Variants in ARHGEF33 observed in about 807,000 individuals in gnomAD.
The protein encoded by ARHGEF33 is Rho guanine nucleotide exchange factor 33, also known as DH and coiled-coil domain-containing protein ENSP00000381780.
A neutral mutation model predicts 101.9 loss-of-function variants in ARHGEF33; 72 were observed. That is an observed-to-expected ratio of 0.71 (90% CI 0.58 to 0.86). The LOEUF is 0.86. ARHGEF33 is among the 40% of genes least tolerant of loss of function. The pLI, the probability that ARHGEF33 is intolerant of heterozygous loss-of-function variation, is 0.00. For missense variants in ARHGEF33, 1,169 were observed against 1,111.3 expected (o/e 1.05, Z -0.74); for synonymous variants, 499 against 442.5 (o/e 1.13, Z -1.60).
At chr2:38,973,131 G>A (rs1023836576) in intron 17 of ARHGEF33, 1 of 152,366 alleles carries the variant, frequency 6.6e-6, no homozygotes, top group African/African-American at 2.4e-5. Context: ...GATCTGAGTT[G>A]TTGACTATTG....
intron 2 of ARHGEF33, among the ~76,000 whole-genome samples, chr2:38,910,568 T>G (rs1300836263): frequency 6.6e-6 from 1 of 152,154 alleles, no homozygotes; most frequent in Non-Finnish European, 1.5e-5. Context: ...AGACTCCATC[T>G]CTACAAAAAA....
chr2:38,936,502 A>G (rs185148023), intron 8 of ARHGEF33, among the ~76,000 whole-genome samples: 19 of 152,346 alleles, frequency 1.2e-4, no homozygotes, highest in African/African-American at 4.3e-4. Context: ...AATTAGCTAT[A>G]CTATTTGATA....
chr2:38,913,522 C>T (rs1666561448), intron 2 of ARHGEF33, among the ~76,000 whole-genome samples: 1 of 152,106 alleles, frequency 6.6e-6, no homozygotes, highest in Admixed American at 6.5e-5. Context: ...CGCCTGTAAT[C>T]TCACCACTTT....
intron 4 of ARHGEF33, among the ~76,000 whole-genome samples, chr2:38,926,422 G>T (rs934537261): frequency 6.6e-6 from 1 of 152,168 alleles, no homozygotes; most frequent in African/African-American, 2.4e-5. Flanking sequence ...CTCTGTAGGG[G>T]CTAAAGATAC....
chr2:38,968,035 A>G (rs1297872233), intron 17 of ARHGEF33, among the ~76,000 whole-genome samples: 3 of 140,302 alleles, frequency 2.1e-5, no homozygotes, highest in Non-Finnish European at 3.0e-5. Flanking sequence ...GGTGCTGTCT[A>G]TTGGAAAACA....
intron 2 of ARHGEF33, 118 bp downstream of exon 2, chr2:38,895,967 A>G (rs1247262326): frequency 1.3e-5 from 2 of 152,224 alleles, no homozygotes; most frequent in Non-Finnish European, 2.9e-5. Flanking sequence ...GTAGAATTTT[A>G]TAACCATTCT....
intron 10 of ARHGEF33, among the ~76,000 whole-genome samples, chr2:38,946,456 C>A (rs537937888): frequency 6.6e-6 from 1 of 152,176 alleles, no homozygotes; most frequent in Non-Finnish European, 1.5e-5. Context: ...ATGGACCAAG[C>A]AGAGAAAAGC....
At position 38,960,031 on chromosome 2, in the gene ARHGEF33, C is replaced by G. The variant is rs1267599105; in HGVS notation, c.1726C>G (p.Pro576Ala). 1 of 1,546,006 alleles carries G rather than the reference C, an allele frequency of 6.5e-7. No individual in the cohort carries two copies. Among genetic ancestry groups the G allele is most frequent in the African/African-American group, 1.4e-5 (1 of 72,938 alleles). The part of the protein sequence containing the change: ...KALAGPLQAI[P>A]EMDFESSPAE... ...GCTGGCCGGGCCCCTGCAGGCCATC[C>G]CGGAGATGGACTTCGAGTCCTCTCC... Residue 576 changes from proline to alanine, a missense_variant, in exon 16 of 18, where the codon CCG (proline) becomes GCG (alanine). Coordinates refer to ENST00000409978, the MANE Select transcript of ARHGEF33 (RefSeq NM_001145451.5).
chr2:38,962,119 T>C (rs957228431), intron 16 of ARHGEF33, among the ~76,000 whole-genome samples: 1 of 152,204 alleles, frequency 6.6e-6, no homozygotes, highest in Admixed American at 6.5e-5. Context: ...GTTCTCAGAT[T>C]TTCCTCTAGC....
chr2:38,929,820 GT>G lies in ARHGEF33; in HGVS notation c.354del (p.Ala120ProfsTer58). Reference sequence around the variant, plus strand: ...GGAGAAGCGAAGAGAATCTCGAAAAGTTAAAGCCAAGTGAGTGTCTTTTAAA... The same window carrying G: ...GGAGAAGCGAAGAGAATCTCGAAAAGTAAAGCCAAGTGAGTGTCTTTTAAA... The part of the protein sequence containing the change: ...QQEKRRESRK[V>X]KAKKTQKEEH... On this transcript the variant is annotated frameshift_variant, in exon 6 of 18. Coordinates refer to ENST00000409978, the MANE Select transcript of ARHGEF33 (RefSeq NM_001145451.5). LOFTEE classifies it high-confidence loss of function. 6.4e-7 allele frequency: 1 copy of G among 1,551,248 alleles called. No homozygotes were observed. The highest frequency in any genetic ancestry group is 1.2e-5 in the South Asian group (1 of 84,012).
chr2:38,915,743 A>C (rs551510484), intron 2 of ARHGEF33, among the ~76,000 whole-genome samples: 1 of 152,256 alleles, frequency 6.6e-6, no homozygotes, highest in East Asian at 1.9e-4. Context: ...ACACGTGTTT[A>C]TTATGTCTCA....
chr2:38,890,471 A>G (rs1665971545), intron 1 of ARHGEF33, among the ~76,000 whole-genome samples: 1 of 152,218 alleles, frequency 6.6e-6, no homozygotes, highest in African/African-American at 2.4e-5. Context: ...TACAGAACAA[A>G]AAACATATCC....
intron 17 of ARHGEF33, 24 bp downstream of exon 17, chr2:38,966,169 G>T (rs1218291254): frequency 1.2e-5 from 19 of 1,546,092 alleles, no homozygotes; most frequent in Non-Finnish European, 1.5e-5. Context: ...AGACAAGACA[G>T]CATTGTAACT....
intron 10 of ARHGEF33, among the ~76,000 whole-genome samples, chr2:38,945,201 A>G (rs188823354): frequency 4.5e-4 from 68 of 152,264 alleles, no homozygotes; most frequent in African/African-American, 1.6e-3. Context: ...TGGTTCATAA[A>G]TTCTGAATCT....
intron 11 of ARHGEF33, 98 bp from the exon 12 acceptor site, chr2:38,953,064 C>A: frequency 3.0e-6 from 2 of 661,122 alleles, no homozygotes; most frequent in Non-Finnish European, 5.4e-6. Context: ...ATAAGATAAT[C>A]TCTGCAAAGT....
intron 2 of ARHGEF33, among the ~76,000 whole-genome samples, chr2:38,910,550 A>G (rs1213034824): frequency 6.6e-6 from 1 of 152,246 alleles, no homozygotes; most frequent in African/African-American, 2.4e-5. Flanking sequence ...AACCTGGGTG[A>G]CACAGCAAGA....
chr2:38,947,802 G>A (rs1451853269), intron 10 of ARHGEF33, among the ~76,000 whole-genome samples: 3 of 152,092 alleles, frequency 2.0e-5, no homozygotes, highest in African/African-American at 7.2e-5. Context: ...TGTCCACCAA[G>A]AGCTCAACAA....
Position 38,919,417 on chromosome 2 carries a change from A to G in ARHGEF33, c.-31A>G, listed in dbSNP as rs1458566483. 2 of 1,551,602 alleles carry G rather than the reference A, an allele frequency of 1.3e-6. No homozygotes were observed. Among genetic ancestry groups the G allele is most frequent in the African/African-American group, 1.4e-5 (1 of 73,052 alleles). Reference sequence around the variant, plus strand: ...GGACGATGAGGATGCAATGTTGAAGAATAAGCTGGAGAAGAGAAGTAACCG... The same window carrying G: ...GGACGATGAGGATGCAATGTTGAAGGATAAGCTGGAGAAGAGAAGTAACCG... On this transcript the variant is annotated 5_prime_UTR_variant, in exon 3 of 18. Coordinates refer to ENST00000409978, the MANE Select transcript of ARHGEF33 (RefSeq NM_001145451.5).
intron 6 of ARHGEF33, among the ~76,000 whole-genome samples, chr2:38,930,112 TAGAA>T (rs1666962516): frequency 1.3e-5 from 2 of 152,352 alleles, no homozygotes; most frequent in South Asian, 2.1e-4. Context: ...AAATAACAAC[TAGAA>T]AGATTTACTT....
Sources: gnomAD v4.1 joint callset for allele counts (sites outside exome capture counted in the v4.1 genomes callset) on GRCh38, gnomAD v4.1.1 for gene constraint, MANE v1.5 for transcripts, NCBI Gene and HGNC (gene_info 2026-07-23, HGNC 2026-07-21) for gene names.